The following ADGRV1 variants were observed in gnomAD, a reference collection of about 807,000 sequenced individuals.
The protein encoded by ADGRV1 is adhesion G protein-coupled receptor V1, also known as G-protein coupled receptor 98.
In ADGRV1, 359 loss-of-function variants were observed where a neutral mutation model predicts 596.2. That is an observed-to-expected ratio of 0.60 (90% confidence interval 0.55 to 0.66). The LOEUF (loss-of-function observed/expected upper bound fraction) is 0.66. ADGRV1 is among the 30% of genes least tolerant of loss of function. ADGRV1 has a pLI of 0.00. For missense variants in ADGRV1, 7,274 were observed against 7,575.6 expected (o/e 0.96, Z 1.48); for synonymous variants, 2,681 against 2,679.2 (o/e 1.00, Z -0.02).
intron 85 of ADGRV1, among the ~76,000 whole-genome samples, chr5:91,024,383 A>G (rs765282264): frequency 6.6e-6 from 1 of 152,164 alleles, no homozygotes; most frequent in Non-Finnish European, 1.5e-5. Context: ...ACCCTAAAGT[A>G]TTGCTCTATT....
chr5:90,813,038 C>T (rs1256443629), intron 74 of ADGRV1, among the ~76,000 whole-genome samples: 7 of 141,890 alleles, frequency 4.9e-5, no homozygotes, highest in African/African-American at 1.9e-4. Context: ...GAGGCTGAGG[C>T]AGGAGAATGG....
At chr5:90,927,741 T>G (rs1774667225) in intron 83 of ADGRV1, among the ~76,000 whole-genome samples, 2 of 152,162 alleles carry the variant, frequency 1.3e-5, no homozygotes, top group Non-Finnish European at 2.9e-5. Flanking sequence ...GGTCTTTACA[T>G]TTTGGCTTGA....
At chr5:90,807,001 C>T (rs1235893615) in intron 72 of ADGRV1, among the ~76,000 whole-genome samples, 1 of 152,002 alleles carries the variant, frequency 6.6e-6, no homozygotes, top group Non-Finnish European at 1.5e-5. Flanking sequence ...TATAGGCTCG[C>T]ACCACCATGC....
intron 87 of ADGRV1, among the ~76,000 whole-genome samples, chr5:91,142,484 T>C (rs886877309): frequency 2.0e-5 from 3 of 152,208 alleles, no homozygotes; most frequent in African/African-American, 7.2e-5. Flanking sequence ...ATCTGAAACC[T>C]GAAGATGTCC....
Position 90,886,011 on chromosome 5 carries a change from G to A in ADGRV1, c.17856+22154G>A, listed in dbSNP as rs533457788. The stretch of plus-strand genomic sequence containing the variant: ...AAATATCGAATACTAATCCCGTGAT[G>A]TCCTCCCCTGATTTTAGTGTAGCAG... On this transcript the variant is annotated intron_variant, in intron 83 of 89. Coordinates refer to ENST00000405460, the MANE Select transcript of ADGRV1 (RefSeq NM_032119.4). Among the ~76,000 whole-genome samples the A allele has an allele frequency of 3.9e-5, 6 of 152,154 alleles. No individual in the cohort carries two copies. The South Asian group carries it at 1.2e-3, about 32-fold the overall frequency.
At chr5:90,726,301 C>T (rs566488198) in intron 48 of ADGRV1, among the ~76,000 whole-genome samples, 104 of 152,212 alleles carry the variant, frequency 6.8e-4, no homozygotes, top group African/African-American at 2.5e-3. Flanking sequence ...TTAGCTATTC[C>T]CTCCATCTCT....
chr5:90,761,548 T>G (rs1756516286), intron 58 of ADGRV1, among the ~76,000 whole-genome samples: 1 of 152,138 alleles, frequency 6.6e-6, no homozygotes, highest in Non-Finnish European at 1.5e-5. Flanking sequence ...TATAATCTAC[T>G]TTTACTGTTA....
chr5:91,094,296 TA>T (rs1790657903), intron 86 of ADGRV1, among the ~76,000 whole-genome samples: 1 of 151,754 alleles, frequency 6.6e-6, no homozygotes, highest in African/African-American at 2.4e-5. Flanking sequence ...CCATCTCTAC[TA>T]AAAACACAAA....
intron 9 of ADGRV1, 127 bp from the exon 10 acceptor site, chr5:90,634,987 G>T: frequency 1.7e-6 from 1 of 600,890 alleles, no homozygotes; most frequent in East Asian, 2.8e-5. Context: ...GAGAGGAGGA[G>T]AATAACATTG....
At chr5:90,746,523 C>G (rs1754645509) in intron 52 of ADGRV1, among the ~76,000 whole-genome samples, 1 of 152,130 alleles carries the variant, frequency 6.6e-6, no homozygotes, top group African/African-American at 2.4e-5. Context: ...TGCCTGCACA[C>G]CAAGAGCATG....
At chr5:90,978,562 A>T (rs2151023122) in intron 84 of ADGRV1, among the ~76,000 whole-genome samples, 1 of 152,248 alleles carries the variant, frequency 6.6e-6, no homozygotes, top group East Asian at 1.9e-4. Flanking sequence ...ATATTTTAAA[A>T]TAATGAAAAG....
In ADGRV1 at chr5:90,653,668, C is replaced by A. The variant is rs397517430; in HGVS notation, c.4094C>A (p.Ala1365Asp). 1 of 1,613,220 alleles carries A rather than the reference C, an allele frequency of 6.2e-7. No individual in the cohort carries two copies. The change falls in exon 20 of 90, where the codon GCC becomes GAC. Residue 1365 changes from alanine (A) to aspartate (D), a missense_variant. This residue lies in a region of ADGRV1 where 1,715 missense variants were observed against 1,708.8 expected (regional missense o/e 1.00). Transcript: ENST00000405460. ...FTFSAWVMPN[A>D]NTNGFIIAKD... ...TTCTCAGCTTGGGTAATGCCCAATG[C>A]CAATACGAATGGATTCATTATAGCG...
chr5:90,807,876 G>T, intron 73 of ADGRV1, 139 bp downstream of exon 73: 4 of 720,806 alleles, frequency 5.5e-6, no homozygotes, highest in Non-Finnish European at 8.1e-6. Context: ...ATCACGTGGC[G>T]TGCATGCTGG....
chr5:90,654,674 A>G (rs1055768929), intron 20 of ADGRV1: 1 of 152,294 alleles, frequency 6.6e-6, no homozygotes, highest in Non-Finnish European at 1.5e-5. Context: ...TAGAGCTTAT[A>G]TGGCTATAGC....
intron 67 of ADGRV1, 137 bp from the exon 68 acceptor site, chr5:90,787,934 C>A: frequency 1.7e-6 from 1 of 574,610 alleles, no homozygotes. Context: ...GTTTATGAAA[C>A]AGGAATTTGA....
intron 78 of ADGRV1, among the ~76,000 whole-genome samples, chr5:90,845,349 TACTA>T (rs1300033659): frequency 3.3e-5 from 5 of 151,652 alleles, no homozygotes; most frequent in African/African-American, 9.8e-5. Flanking sequence ...AAGGTCCCTG[TACTA>T]ACTGAGTATT....
At chr5:90,636,743 A>G (rs1381210553) in intron 10 of ADGRV1, among the ~76,000 whole-genome samples, 5 of 151,966 alleles carry the variant, frequency 3.3e-5, no homozygotes, top group Admixed American at 1.3e-4. Context: ...GTCTCAGGTT[A>G]TGACGATTGT....
At chr5:90,673,126 C>T (rs1772717112) in intron 22 of ADGRV1, among the ~76,000 whole-genome samples, 1 of 152,132 alleles carries the variant, frequency 6.6e-6, no homozygotes, top group African/African-American at 2.4e-5. Flanking sequence ...GAGCATGGCT[C>T]AGTTATTCCT....
chr5:90,923,788 A>T (rs1459418934), intron 83 of ADGRV1, among the ~76,000 whole-genome samples: 1 of 36,744 alleles, frequency 2.7e-5, no homozygotes, highest in African/African-American at 1.0e-4. Context: ...CCTGCCCCCC[A>T]CCCCACCACA....
Sources: gnomAD v4.1 joint callset for allele counts (sites outside exome capture counted in the v4.1 genomes callset) on GRCh38, gnomAD v4.1.1 for gene constraint, gnomAD v4.1.1 regional missense constraint, MANE v1.5 for transcripts, NCBI Gene and HGNC (gene_info 2026-07-23, HGNC 2026-07-21) for gene names.